The following MLLT10 variants were observed in gnomAD, a reference collection of about 807,000 sequenced individuals.
MLLT10 encodes MLLT10 histone lysine methyltransferase DOT1L cofactor.
MLLT10 carries 30 observed loss-of-function variants against 129.1 expected under a neutral mutation model. That is an observed-to-expected ratio of 0.23 (90% CI 0.17 to 0.32). The LOEUF (loss-of-function observed/expected upper bound fraction) is 0.32, where lower values mean the gene tolerates loss of function less well. Ranked by LOEUF, MLLT10 falls within the 10% of genes least tolerant of loss-of-function variation. The pLI is 1.00. For missense variants in MLLT10, 1,119 were observed against 1,268.3 expected (o/e 0.88, Z 1.79); for synonymous variants, 490 against 446.4 (o/e 1.10, Z -1.23).
chr10:21,604,226 C>G (rs887350991), intron 5 of MLLT10, among the ~76,000 whole-genome samples: 5 of 152,168 alleles, frequency 3.3e-5, no homozygotes, highest in African/African-American at 1.2e-4. Flanking sequence ...ATAATAAACT[C>G]AGAAAGTCCC....
At chr10:21,589,902 T>TCCCTTC (rs71393911) in intron 4 of MLLT10, among the ~76,000 whole-genome samples, 14 of 151,554 alleles carry the variant, frequency 9.2e-5, no homozygotes, top group Non-Finnish European at 1.5e-4. Context: ...CCTTTCCCTT[T>TCCCTTC]CCCTTCCCCT....
intron 3 of MLLT10, among the ~76,000 whole-genome samples, chr10:21,548,850 G>C (rs1301177224): frequency 6.6e-6 from 1 of 151,682 alleles, no homozygotes; most frequent in African/African-American, 2.4e-5. Flanking sequence ...AATTATATTC[G>C]TTTTTTTATT....
At chr10:21,714,530 A>G (rs1456924088) in intron 14 of MLLT10, among the ~76,000 whole-genome samples, 1 of 152,106 alleles carries the variant, frequency 6.6e-6, no homozygotes, top group Non-Finnish European at 1.5e-5. Context: ...CCTAGTCTAT[A>G]GGATTTTTTT....
chr10:21,730,131 C>T (rs908123338), intron 16 of MLLT10, among the ~76,000 whole-genome samples: 1 of 151,544 alleles, frequency 6.6e-6, no homozygotes, highest in Non-Finnish European at 1.5e-5. Context: ...CCGCCGCCTC[C>T]CCGCCCAAAA....
rs1171704812 is a variant in MLLT10 at position 21,726,246 on chromosome 10, A to G, written c.1881A>G (p.Ala627=). 6.3e-7 allele frequency: 1 copy of G among 1,594,838 alleles called. No individual in the cohort carries two copies. ...TCATTGTAATTTTTTCCATTTAGGCAAATACTCTATCTGGATCTTCTCTCA... is the reference window on the plus strand; with the variant it reads ...TCATTGTAATTTTTTCCATTTAGGCGAATACTCTATCTGGATCTTCTCTCA... The part of the protein sequence containing the change: ...SAAPAVATTQ[A]NTLSGSSLSQ... Residue 627 remains alanine (A), a splice_region_variant and synonymous_variant, in exon 15 of 23, where the codon GCA becomes GCG. Coordinates refer to ENST00000307729, the MANE Select transcript of MLLT10 (RefSeq NM_001195626.3).
chr10:21,726,006 C>T (rs1050431928), intron 14 of MLLT10, among the ~76,000 whole-genome samples: 3 of 152,088 alleles, frequency 2.0e-5, no homozygotes, highest in Admixed American at 2.0e-4. Flanking sequence ...CCACGTCAGC[C>T]TCCCAAAGTG....
chr10:21,682,117 G>A, intron 12 of MLLT10, 108 bp from the exon 13 acceptor site: 2 of 835,330 alleles, frequency 2.4e-6, no homozygotes, highest in Non-Finnish European at 3.7e-6. Flanking sequence ...AATGATATAT[G>A]ATAGACTTAC....
intron 8 of MLLT10, among the ~76,000 whole-genome samples, chr10:21,631,934 T>G (rs1283426692): frequency 6.2e-5 from 2 of 32,298 alleles, no homozygotes; most frequent in African/African-American, 1.1e-3. Flanking sequence ...TTTTTTTGGT[T>G]TTTTTTTTTT....
intron 6 of MLLT10, 102 bp from the exon 7 acceptor site, chr10:21,614,728 AT>A (rs2045056923): frequency 7.3e-6 from 6 of 816,738 alleles, no homozygotes; most frequent in Non-Finnish European, 1.1e-5. Flanking sequence ...AGGAGATGTT[AT>A]TTTCTCAGAG....
rs1412318919 is a variant in MLLT10 at position 21,535,110 on chromosome 10, C to G, written c.160+306C>G. Among the ~76,000 whole-genome samples, 78 of 78,972 alleles carry G rather than the reference C, an allele frequency of 9.9e-4. No individual in the cohort carries two copies. The Admixed American group carries it at 0.01, about 10-fold the overall frequency. 51.8% of individuals were successfully genotyped at this position (78,972 alleles called of 152,430 possible). A position where few individuals can be genotyped will look rare whatever the true frequency, so the allele number is the denominator to read the frequency against. On this transcript the variant is annotated intron_variant, in intron 2 of 22. Coordinates refer to ENST00000307729, the MANE Select transcript of MLLT10 (RefSeq NM_001195626.3). ...AGGGCGGCGGCCGCGCCCTCGAGAT[C>G]TGGGCCGGGGTGGGGGCGGGGGCGG...
At chr10:21,603,219 A>ATT (rs75168518) in intron 5 of MLLT10, among the ~76,000 whole-genome samples, 85 of 128,662 alleles carry the variant, frequency 6.6e-4, no homozygotes, top group Non-Finnish European at 1.1e-3. Context: ...TGCTCGGCTA[A>ATT]TTTTTTTTTT....
At chr10:21,738,896 T>TG (rs777768808) in intron 21 of MLLT10, among the ~76,000 whole-genome samples, 1 of 152,214 alleles carries the variant, frequency 6.6e-6, no homozygotes, top group Non-Finnish European at 1.5e-5. Context: ...ATAGCATCTC[T>TG]GTGCTGATAC....
At chr10:21,672,286 C>T (rs2051517661) in intron 10 of MLLT10, among the ~76,000 whole-genome samples, 2 of 151,430 alleles carry the variant, frequency 1.3e-5, no homozygotes, top group African/African-American at 4.9e-5. Context: ...CAAGGTTGAC[C>T]TCCTGGGCTC....
At chr10:21,540,895 C>G (rs1288719262) in intron 3 of MLLT10, among the ~76,000 whole-genome samples, 2 of 152,116 alleles carry the variant, frequency 1.3e-5, no homozygotes, top group African/African-American at 4.8e-5. Context: ...TGCTGTGGCT[C>G]GTGCTTGTAA....
intron 12 of MLLT10, among the ~76,000 whole-genome samples, 166 bp downstream of exon 12, chr10:21,681,542 T>C (rs2052738899): frequency 6.6e-6 from 1 of 152,252 alleles, no homozygotes; most frequent in South Asian, 2.1e-4. Context: ...CTGCTTTGTC[T>C]TGTTATAGAT....
At chr10:21,731,104 C>A in intron 17 of MLLT10, 50 bp downstream of exon 17, 2 of 1,526,566 alleles carry the variant, frequency 1.3e-6, no homozygotes, top group Non-Finnish European at 1.8e-6. Flanking sequence ...GGCAGATGGA[C>A]AAACAGGCAG....
intron 8 of MLLT10, among the ~76,000 whole-genome samples, chr10:21,621,244 G>A (rs1338606387): frequency 4.1e-5 from 4 of 98,420 alleles, no homozygotes. Context: ...TCCGCCCCCC[G>A]CTCCCCTTTT....
chr10:21,698,101 T>G (rs2054544572), intron 13 of MLLT10, among the ~76,000 whole-genome samples: 1 of 152,218 alleles, frequency 6.6e-6, no homozygotes. Flanking sequence ...CATTGAAATA[T>G]TCAATGTATT....
At chr10:21,556,654 T>G (rs2038032336) in intron 3 of MLLT10, 8 of 1,610,626 alleles carry the variant, frequency 5.0e-6, no homozygotes, top group Non-Finnish European at 6.8e-6. Flanking sequence ...TGGTATGCAA[T>G]TCCTGTTGGT....
Sources: gnomAD v4.1 joint callset for allele counts (sites outside exome capture counted in the v4.1 genomes callset) on GRCh38, gnomAD v4.1.1 for gene constraint, MANE v1.5 for transcripts, NCBI Gene and HGNC (gene_info 2026-07-23, HGNC 2026-07-21) for gene names.